SMAD3: variants seen among roughly 807,000 people sequenced by gnomAD.
SMAD3 encodes the protein MAD homolog 3.
A neutral mutation model predicts 51.8 loss-of-function variants in SMAD3; 12 were observed. The observed-to-expected ratio is 0.23, with a 90% CI of 0.15 to 0.38. The LOEUF is 0.38. Among genes scored for constraint, SMAD3 ranks in the 10% least tolerant of loss-of-function variants. The probability of loss-of-function intolerance (pLI) is 1.00; values close to 1 mark genes in which losing one functional copy is unlikely to be tolerated. For missense variants in SMAD3, 294 were observed against 565.6 expected, an observed-to-expected ratio of 0.52 and a Z score of 4.87; for synonymous variants, 238 against 227.7, an observed-to-expected ratio of 1.05 and a Z score of -0.41.
intron 1 of SMAD3, among the ~76,000 whole-genome samples, chr15:67,158,441 C>T (rs1458760642): frequency 1.3e-5 from 2 of 152,256 alleles, no homozygotes; most frequent in East Asian, 3.8e-4. Flanking sequence ...TTGGGAATTG[C>T]ATGGCACAGA....
intron 1 of SMAD3, among the ~76,000 whole-genome samples, chr15:67,161,482 T>A (rs886495712): frequency 3.9e-5 from 6 of 152,228 alleles, no homozygotes; most frequent in African/African-American, 1.4e-4. Context: ...CTCCAAGGCC[T>A]TCTCTTGCAG....
chr15:67,097,753 G>A (rs1264120474), intron 1 of SMAD3, among the ~76,000 whole-genome samples: 1 of 152,194 alleles, frequency 6.6e-6, no homozygotes, highest in Admixed American at 6.5e-5. Context: ...GGTGAAGAAT[G>A]AGGGGAGGAG....
rs1048784762 is a variant in SMAD3 at position 67,193,312 on chromosome 15, C to T, written c.*2776C>T. ...TGTGTTGCCCCTGCCCTGGGCTCCC[C>T]GCCATGACATCTTCACCTTGCAGCT... On this transcript the variant is annotated 3_prime_UTR_variant, in exon 9 of 9. Transcript: ENST00000327367. 13 of 233,370 alleles carry T rather than the reference C, an allele frequency of 5.6e-5. No homozygotes were observed. Among genetic ancestry groups the T allele is most frequent in the South Asian group, 1.8e-4 (1 of 5,536 alleles). 14.5% of individuals were successfully genotyped at this position (233,370 alleles called of 1,614,324 possible). A position where few individuals can be genotyped will look rare whatever the true frequency, so the allele number is the denominator to read the frequency against.
intron 1 of SMAD3, among the ~76,000 whole-genome samples, chr15:67,150,162 A>C (rs1962088976): frequency 6.6e-6 from 1 of 152,232 alleles, no homozygotes; most frequent in Non-Finnish European, 1.5e-5. Context: ...GTCCTGAGGC[A>C]CTGCCTCTCC....
intron 1 of SMAD3, among the ~76,000 whole-genome samples, chr15:67,116,814 G>A (rs779661292): frequency 3.9e-5 from 6 of 152,164 alleles, no homozygotes; most frequent in Admixed American, 2.0e-4. Flanking sequence ...CAGCCATTGG[G>A]AAACCAGCTA....
At chr15:67,069,663 C>A (rs1392480547) in intron 1 of SMAD3, among the ~76,000 whole-genome samples, 1 of 151,944 alleles carries the variant, frequency 6.6e-6, no homozygotes, top group Non-Finnish European at 1.5e-5. Context: ...AGAATTGAAG[C>A]AAACACTAGG....
At position 67,191,491 on chromosome 15, in the gene SMAD3, T is replaced by TA. The variant is rs1203903230; in HGVS notation, c.*955_*956insA. 4.3e-6 allele frequency: 1 copy of TA among 233,284 alleles called. No homozygotes were observed. The highest frequency in any genetic ancestry group is 8.5e-6 in the Non-Finnish European group (1 of 118,032). 14.5% of individuals were successfully genotyped at this position (233,284 alleles called of 1,614,324 possible). On this transcript the variant is annotated 3_prime_UTR_variant, in exon 9 of 9. Transcript: ENST00000327367. Reference sequence around the variant, plus strand: ...TATTGGTTTATGTAGTCAGTTGCATTCATTAAATCAACTTTATCATATGCT... The same window carrying TA: ...TATTGGTTTATGTAGTCAGTTGCATTACATTAAATCAACTTTATCATATGCT...
At chr15:67,082,283 A>G (rs1313473389) in intron 1 of SMAD3, among the ~76,000 whole-genome samples, 3 of 152,190 alleles carry the variant, frequency 2.0e-5, no homozygotes, top group South Asian at 2.1e-4. Flanking sequence ...TCTGAATGCC[A>G]TGCCCAGGGC....
chr15:67,161,722 T>A (rs1962435911), intron 1 of SMAD3, among the ~76,000 whole-genome samples: 1 of 152,182 alleles, frequency 6.6e-6, no homozygotes, highest in Admixed American at 6.5e-5. Flanking sequence ...TCTGCTGTGA[T>A]AGAGAATAAT....
At chr15:67,170,660 G>A (rs2140301304) in intron 5 of SMAD3, 56 bp downstream of exon 5, 1 of 1,509,984 alleles carries the variant, frequency 6.6e-7, no homozygotes, top group Non-Finnish European at 9.2e-7. Flanking sequence ...GCCCTGGCGA[G>A]TCGCCAGTGT....
intron 1 of SMAD3, among the ~76,000 whole-genome samples, chr15:67,091,661 A>G (rs1266368561): frequency 6.6e-6 from 1 of 152,124 alleles, no homozygotes; most frequent in Non-Finnish European, 1.5e-5. Context: ...TGTTTTATAT[A>G]TTAATAATAA....
chr15:67,133,500 G>A (rs138784248), intron 1 of SMAD3, among the ~76,000 whole-genome samples: 44 of 151,954 alleles, frequency 2.9e-4, no homozygotes, highest in African/African-American at 9.2e-4. Flanking sequence ...TGATCCTATC[G>A]CCAGAAAAAT....
chr15:67,118,710 C>T (rs778852830), intron 1 of SMAD3, among the ~76,000 whole-genome samples: 1 of 152,214 alleles, frequency 6.6e-6, no homozygotes, highest in Non-Finnish European at 1.5e-5. Context: ...GAGTCGTGAA[C>T]ATCCCATTGT....
chr15:67,191,499 T>A lies in SMAD3; in HGVS notation c.*963T>A. ...TATGTAGTCAGTTGCATTCATTAAA[T>A]CAACTTTATCATATGCTCTTTTAAA... On this transcript the variant is annotated 3_prime_UTR_variant, in exon 9 of 9. Coordinates refer to ENST00000327367, the MANE Select transcript of SMAD3 (RefSeq NM_005902.4). 4.3e-6 allele frequency: 1 copy of A among 233,346 alleles called. No homozygotes were observed. The highest frequency in any genetic ancestry group is 8.5e-6 in the Non-Finnish European group (1 of 118,020). 14.5% of individuals were successfully genotyped at this position (233,346 alleles called of 1,614,324 possible).
At chr15:67,107,165 A>G (rs1411846990) in intron 1 of SMAD3, among the ~76,000 whole-genome samples, 1 of 152,174 alleles carries the variant, frequency 6.6e-6, no homozygotes, top group African/African-American at 2.4e-5. Context: ...AAAAAAAAAA[A>G]AAGATTTTAA....
At position 67,164,908 on chromosome 15, in the gene SMAD3, C is replaced by T. The variant is rs1343295267; in HGVS notation, c.220C>T (p.Arg74Trp). Residue 74 changes from arginine (R) to tryptophan (W), a missense_variant, in exon 2 of 9, where the codon CGG becomes TGG. This residue lies in a region of SMAD3 where 147 missense variants were observed against 260.9 expected (regional missense o/e 0.56). Transcript: ENST00000327367. Reference protein sequence around the residue: ...CITIPRSLDGRLQVSHRKGLP... With the variant: ...CITIPRSLDGWLQVSHRKGLP... ...CCGTCCTGGCAGGTCCCTGGATGGC[C>T]GGTTGCAGGTGTCCCATCGGAAGGG... The T allele has an allele frequency of 1.2e-6, 2 of 1,612,924 alleles. No homozygotes were observed. The highest frequency in any genetic ancestry group is 8.5e-7 in the Non-Finnish European group (1 of 1,180,050).
At position 67,192,858 on chromosome 15, in the gene SMAD3, T is replaced by G. The variant is rs1963402570; in HGVS notation, c.*2322T>G. The G allele has an allele frequency of 4.3e-6, 1 of 233,402 alleles. No individual in the cohort carries two copies. The highest frequency in any genetic ancestry group is 8.5e-6 in the Non-Finnish European group (1 of 118,004). The allele number at this position is 233,402 out of a possible 1,614,324, so 14.5% of individuals were successfully genotyped here. A position where few individuals can be genotyped will look rare whatever the true frequency, so the allele number is the denominator to read the frequency against. ...TTGGATGGTGTCTTAGAACCCTCATTGCTCAGACCTGAAGGCTACTTCTAG... is the reference window on the plus strand; with the variant it reads ...TTGGATGGTGTCTTAGAACCCTCATGGCTCAGACCTGAAGGCTACTTCTAG... On this transcript the variant is annotated 3_prime_UTR_variant, in exon 9 of 9. Transcript: ENST00000327367.
At chr15:67,109,249 G>A (rs1050181252) in intron 1 of SMAD3, among the ~76,000 whole-genome samples, 2 of 152,162 alleles carry the variant, frequency 1.3e-5, no homozygotes, top group African/African-American at 4.8e-5. Context: ...AATGCTTTTT[G>A]TGTGGAATGC....
intron 1 of SMAD3, among the ~76,000 whole-genome samples, chr15:67,110,500 C>T (rs139205684): frequency 2.0e-5 from 3 of 152,192 alleles, no homozygotes; most frequent in African/African-American, 7.2e-5. Context: ...AGTCCCTCCC[C>T]CTACGTGACA....
Sources: gnomAD v4.1 joint callset for allele counts (sites outside exome capture counted in the v4.1 genomes callset) on GRCh38, gnomAD v4.1.1 for gene constraint, gnomAD v4.1.1 regional missense constraint, MANE v1.5 for transcripts, NCBI Gene and HGNC (gene_info 2026-07-23, HGNC 2026-07-21) for gene names.